Variants in CNTN1 observed in about 807,000 individuals in gnomAD.
The protein encoded by CNTN1 is contactin-1.
In CNTN1, 38 loss-of-function variants were observed where a neutral mutation model predicts 126.4. The observed-to-expected ratio is 0.30, with a 90% CI of 0.23 to 0.39. The LOEUF is 0.39. Among genes scored for constraint, CNTN1 ranks in the 10% least tolerant of loss-of-function variants. CNTN1 has a pLI of 1.00. For synonymous variants in CNTN1, 413 were observed against 422.6 expected, an observed-to-expected ratio of 0.98 and a Z score of 0.28; for missense variants, 1,009 against 1,248.4, an observed-to-expected ratio of 0.81 and a Z score of 2.89.
intron 23 of CNTN1, among the ~76,000 whole-genome samples, chr12:41,033,040 A>C (rs903258886): frequency 2.0e-5 from 3 of 152,204 alleles, no homozygotes; most frequent in African/African-American, 7.2e-5. Flanking sequence ...TAGGTTCATG[A>C]TTTATATTAT....
intron 14 of CNTN1, among the ~76,000 whole-genome samples, chr12:40,947,016 G>A (rs559912968): frequency 1.3e-5 from 2 of 151,868 alleles, no homozygotes; most frequent in Admixed American, 1.3e-4. Context: ...CATTTTTAAA[G>A]ATGTATATTT....
At chr12:40,728,358 T>G (rs1418057276) in intron 1 of CNTN1, among the ~76,000 whole-genome samples, 1 of 152,150 alleles carries the variant, frequency 6.6e-6, no homozygotes, top group Non-Finnish European at 1.5e-5. Flanking sequence ...TGAAGATGAC[T>G]GCTAAGCCTT....
At chr12:41,059,391 G>A (rs894007558) in intron 23 of CNTN1, among the ~76,000 whole-genome samples, 1 of 152,170 alleles carries the variant, frequency 6.6e-6, no homozygotes, top group Non-Finnish European at 1.5e-5. Flanking sequence ...ATTATTGGCT[G>A]TCATTGCTAT....
At chr12:40,824,407 C>A (rs73118719) in intron 1 of CNTN1, among the ~76,000 whole-genome samples, 3,422 of 152,104 alleles carry the variant, frequency 0.022, 126 homozygotes, top group African/African-American at 0.078. Context: ...TTTCTAAAGT[C>A]CTTACTGTAT....
intron 23 of CNTN1, among the ~76,000 whole-genome samples, chr12:41,057,833 T>C (rs1224391893): frequency 2.0e-5 from 3 of 152,094 alleles, no homozygotes; most frequent in Non-Finnish European, 2.9e-5. Context: ...AAACTTCTAA[T>C]GCACAGGCAA....
intron 1 of CNTN1, among the ~76,000 whole-genome samples, chr12:40,706,149 G>T (rs1469716866): frequency 6.6e-6 from 1 of 150,958 alleles, no homozygotes; most frequent in Admixed American, 6.6e-5. Context: ...TAAGTTCTAG[G>T]GTACATGTGC....
At chr12:40,973,716 T>TG (rs1471228918) in intron 15 of CNTN1, among the ~76,000 whole-genome samples, 2 of 152,250 alleles carry the variant, frequency 1.3e-5, no homozygotes, top group East Asian at 3.9e-4. Flanking sequence ...TCAGTAGTTT[T>TG]GGGGGGTTTA....
At position 40,922,411 on chromosome 12, in the gene CNTN1, C is replaced by G. The variant is rs749692540; in HGVS notation, c.383C>G (p.Ala128Gly). The change falls in exon 5 of 24, where the codon GCA becomes GGA. Residue 128 changes from alanine to glycine, a missense_variant. Physicochemically the swap from Ala to Gly is moderately conservative, Grantham distance 60. Coordinates refer to ENST00000551295, the MANE Select transcript of CNTN1 (RefSeq NM_001843.4). ...TACGGGATGGTCAGAAGCACTGAAG[C>G]AACCCTGAGCTTTGGATGTAAGTAA... ...NNYGMVRSTE[A>G]TLSFGYLDPF... The G allele has an allele frequency of 6.2e-7, 1 of 1,613,956 alleles. No individual in the cohort carries two copies. The highest frequency in any genetic ancestry group is 1.7e-5 in the Admixed American group (1 of 60,004).
At chr12:40,805,579 T>C (rs867617995) in intron 1 of CNTN1, among the ~76,000 whole-genome samples, 3 of 152,304 alleles carry the variant, frequency 2.0e-5, no homozygotes, top group Middle Eastern at 3.4e-3. Context: ...GGTTTCCCAC[T>C]GTGCCCTTTA....
chr12:40,735,337 G>A (rs1181848084), intron 1 of CNTN1, among the ~76,000 whole-genome samples: 3 of 152,090 alleles, frequency 2.0e-5, no homozygotes, highest in Middle Eastern at 3.4e-3. Context: ...TACACATTTG[G>A]TACACACAAA....
intron 15 of CNTN1, among the ~76,000 whole-genome samples, chr12:40,961,640 G>C (rs1824623023): frequency 6.6e-6 from 1 of 151,812 alleles, no homozygotes; most frequent in Non-Finnish European, 1.5e-5. Flanking sequence ...AAAATGATTT[G>C]TAATTTTCAT....
At chr12:40,831,061 A>G (rs2136551034) in intron 1 of CNTN1, among the ~76,000 whole-genome samples, 1 of 144,530 alleles carries the variant, frequency 6.9e-6, no homozygotes, top group African/African-American at 2.5e-5. Context: ...AATATATACA[A>G]TACAGTATAT....
chr12:40,983,363 T>C (rs951930607), intron 16 of CNTN1, among the ~76,000 whole-genome samples: 4 of 152,118 alleles, frequency 2.6e-5, no homozygotes, highest in Non-Finnish European at 5.9e-5. Context: ...TTTTGCTTTC[T>C]AAATATTTTA....
chr12:40,718,902 G>A (rs1040415278), intron 1 of CNTN1, among the ~76,000 whole-genome samples: 1 of 151,870 alleles, frequency 6.6e-6, no homozygotes, highest in African/African-American at 2.4e-5. Flanking sequence ...GAATATCTGG[G>A]ATTTTTTTTT....
At chr12:40,939,250 G>T in intron 11 of CNTN1, 85 bp from the exon 12 acceptor site, 1 of 1,406,906 alleles carries the variant, frequency 7.1e-7, no homozygotes, top group Non-Finnish European at 9.9e-7. Context: ...TAACTATTAA[G>T]GAGAATAAAA....
chr12:40,963,605 G>T (rs1489153553), intron 15 of CNTN1, among the ~76,000 whole-genome samples: 2 of 151,720 alleles, frequency 1.3e-5, no homozygotes, highest in Non-Finnish European at 2.9e-5. Context: ...AATATTTAAA[G>T]GTCTTAAATA....
At chr12:40,795,300 CACACACACACACACACACAT>C (rs1167422585) in intron 1 of CNTN1, among the ~76,000 whole-genome samples, 15 of 43,268 alleles carry the variant, frequency 3.5e-4, no homozygotes, top group African/African-American at 8.5e-4. Context: ...CACACACACA[CACACACACACACACACACAT>C]TTTTTTTTTT....
chr12:40,747,456 G>A (rs1185246822), intron 1 of CNTN1, among the ~76,000 whole-genome samples: 1 of 152,018 alleles, frequency 6.6e-6, no homozygotes, highest in Non-Finnish European at 1.5e-5. Flanking sequence ...GGAGCCTAGT[G>A]AGCAAAAGCC....
intron 1 of CNTN1, among the ~76,000 whole-genome samples, chr12:40,887,139 A>G (rs1033189914): frequency 2.0e-5 from 3 of 151,940 alleles, no homozygotes; most frequent in African/African-American, 7.3e-5. Flanking sequence ...ATGGCATTGA[A>G]TCTATAAATT....
Sources: gnomAD v4.1 joint callset for allele counts (sites outside exome capture counted in the v4.1 genomes callset) on GRCh38, gnomAD v4.1.1 for gene constraint, MANE v1.5 for transcripts, NCBI Gene and HGNC (gene_info 2026-07-23, HGNC 2026-07-21) for gene names.